Variants in PRKCZ observed in about 807,000 individuals in gnomAD.
PRKCZ encodes the protein protein kinase C zeta type.
A neutral mutation model predicts 79.5 loss-of-function variants in PRKCZ; 33 were observed. The observed-to-expected ratio is 0.41, with a 90% CI of 0.31 to 0.55. The LOEUF (loss-of-function observed/expected upper bound fraction) is 0.55, where lower values mean the gene tolerates loss of function less well. Ranked by LOEUF, PRKCZ falls within the 20% of genes least tolerant of loss-of-function variation. The pLI, the probability that PRKCZ is intolerant of heterozygous loss-of-function variation, is 0.19. For missense variants in PRKCZ, 578 were observed against 813.5 expected (o/e 0.71, Z 3.52); for synonymous variants, 342 against 320.9 (o/e 1.07, Z -0.70).
intron 9 of PRKCZ, 152 bp from the exon 10 acceptor site, chr1:2,155,843 G>T: frequency 4.6e-6 from 3 of 647,982 alleles, no homozygotes; most frequent in Non-Finnish European, 5.6e-6. Flanking sequence ...GACAATGGTG[G>T]TAATGCAGTT....
At chr1:2,076,368 G>C (rs1262022521) in intron 4 of PRKCZ, among the ~76,000 whole-genome samples, 1 of 152,204 alleles carries the variant, frequency 6.6e-6, no homozygotes, top group African/African-American at 2.4e-5. Context: ...GCACCCTGAG[G>C]CATCCCCATC....
chr1:2,070,866 G>A (rs1241125407), intron 4 of PRKCZ, among the ~76,000 whole-genome samples: 1 of 152,066 alleles, frequency 6.6e-6, no homozygotes, highest in Non-Finnish European at 1.5e-5. Context: ...CCTTCTGGCT[G>A]TAGTGTCTCA....
rs374022132 is a variant in PRKCZ, at chr1:2,183,320, G to A, written c.1576-1263G>A. ...CTGAGGCAGGAGAATAGCTTGAATC[G>A]GAGTCAGAGGTTGCAGTGAGCCGAG... On this transcript the variant is annotated intron_variant, in intron 16 of 17. Transcript: ENST00000378567. Among the ~76,000 whole-genome samples the A allele has an allele frequency of 3.9e-4, 59 of 152,254 alleles. 1 individual carries two copies. The highest frequency in any genetic ancestry group is 9.6e-4 in the African/African-American group (40 of 41,554).
chr1:2,176,686 C>T (rs184399795), intron 16 of PRKCZ, among the ~76,000 whole-genome samples: 2 of 152,252 alleles, frequency 1.3e-5, no homozygotes, highest in African/African-American at 4.8e-5. Flanking sequence ...CAGGCAGCCT[C>T]GGCCAGCGTG....
rs142214864 is a variant in PRKCZ at position 2,096,882 on chromosome 1, G to A, written c.334+37291G>A. 8.9e-3 allele frequency among the ~76,000 whole-genome samples: 1,354 copies of A among 152,302 alleles called. 22 individuals are homozygous for A. The highest frequency in any genetic ancestry group is 0.031 in the African/African-American group (1,275 of 41,558). ...AGGCACCCTGGGGAGGACTCAGGAC[G>A]AGGCCCCTTGAGGCTGAACCTGAGA... On this transcript the variant is annotated intron_variant, in intron 4 of 17. Transcript: ENST00000378567.
intron 4 of PRKCZ, among the ~76,000 whole-genome samples, chr1:2,118,742 TGTGTGTGTGTGTGA>T (rs1267767378): frequency 1.2e-4 from 18 of 148,622 alleles, no homozygotes; most frequent in African/African-American, 2.8e-4. Context: ...TGTGTGTGTG[TGTGTGTGTGTGTGA>T]GATGAGGGGA....
chr1:2,137,811 G>A (rs1034449645), intron 5 of PRKCZ, among the ~76,000 whole-genome samples: 8 of 152,052 alleles, frequency 5.3e-5, no homozygotes, highest in Admixed American at 5.2e-4. Flanking sequence ...TTTCCTTCCT[G>A]CAGACACTGG....
In PRKCZ at chr1:2,067,154, T is replaced by G. The variant is rs61601646; in HGVS notation, c.334+7563T>G. ...AATATACTTTGGATAATGTCTGTTT[T>G]TTGAAATCTACCGCGGCTGAGTCTG... On this transcript the variant is annotated intron_variant, in intron 4 of 17. Coordinates refer to ENST00000378567, the MANE Select transcript of PRKCZ (RefSeq NM_002744.6). Among the ~76,000 whole-genome samples, 1,647 of 152,336 alleles carry G rather than the reference T, an allele frequency of 0.011. 138 individuals are homozygous for G. The East Asian group carries it at 0.21, about 19-fold the overall frequency.
At chr1:2,095,909 C>T (rs1363201628) in intron 4 of PRKCZ, among the ~76,000 whole-genome samples, 1 of 125,334 alleles carries the variant, frequency 8.0e-6, no homozygotes, top group Non-Finnish European at 1.7e-5. Flanking sequence ...CCTCCTCTCC[C>T]CTCCTCTCCC....
At chr1:2,121,919 T>G (rs1251879148) in intron 4 of PRKCZ, among the ~76,000 whole-genome samples, 2 of 63,862 alleles carry the variant, frequency 3.1e-5, no homozygotes, top group African/African-American at 4.8e-5. Context: ...GGGTCACGGC[T>G]GTAGTTAGCG....
At position 2,106,779 on chromosome 1, in the gene PRKCZ, C is replaced by T. The variant is rs867102269; in HGVS notation, c.335-28483C>T. On this transcript the variant is annotated intron_variant, in intron 4 of 17. Transcript: ENST00000378567. Reference sequence around the variant, plus strand: ...CCTCTGGTGGGCGAGGACCTCCACACGTGTCACCAGGCCAGGTGACTCTTC... The same window carrying T: ...CCTCTGGTGGGCGAGGACCTCCACATGTGTCACCAGGCCAGGTGACTCTTC... Among the ~76,000 whole-genome samples the T allele has an allele frequency of 9.0e-4, 74 of 81,862 alleles. 1 individual carries two copies. Among genetic ancestry groups the T allele is most frequent in the South Asian group, 3.6e-3 (10 of 2,808 alleles). The allele number at this position is 81,862 out of a possible 152,430, so 53.7% of individuals were successfully genotyped here.
chr1:2,184,803 G>C, intron 17 of PRKCZ, 105 bp downstream of exon 17: 1 of 1,380,192 alleles, frequency 7.2e-7, no homozygotes, highest in Admixed American at 2.0e-5. Flanking sequence ...AGTCCCACCC[G>C]CCTGGTGTCA....
At chr1:2,071,365 A>T (rs1465877778) in intron 4 of PRKCZ, 1 of 459,816 alleles carries the variant, frequency 2.2e-6, no homozygotes, top group Non-Finnish European at 4.3e-6. Context: ...GTCTGAGAGG[A>T]GGCGGCCAAA....
intron 5 of PRKCZ, among the ~76,000 whole-genome samples, chr1:2,137,740 A>C (rs1676508924): frequency 6.6e-6 from 1 of 152,218 alleles, no homozygotes; most frequent in Admixed American, 6.5e-5. Context: ...TGCCGATGGC[A>C]GGTGCAGACC....
At chr1:2,181,226 G>A (rs262691) in intron 16 of PRKCZ, among the ~76,000 whole-genome samples, 58,184 of 151,762 alleles carry the variant, frequency 0.38, 11,205 homozygotes, top group South Asian at 0.42. Context: ...GGCCCCCAGC[G>A]CACAAGGCAC....
chr1:2,113,410 CG>C (rs1185710914), intron 4 of PRKCZ, among the ~76,000 whole-genome samples: 1 of 152,062 alleles, frequency 6.6e-6, no homozygotes, highest in African/African-American at 2.4e-5. Flanking sequence ...GGGGCTCATC[CG>C]GGGCATTCAT....
intron 4 of PRKCZ, among the ~76,000 whole-genome samples, chr1:2,083,306 C>T (rs2678946): frequency 0.11 from 17,152 of 151,850 alleles, 3,144 homozygotes; most frequent in African/African-American, 0.38. Context: ...ATTCCAGCTC[C>T]GGGCTCAGCC....
intron 5 of PRKCZ, 123 bp downstream of exon 5, chr1:2,135,470 A>G (rs1463626133): frequency 1.0e-5 from 9 of 868,808 alleles, no homozygotes; most frequent in Admixed American, 3.0e-5. Context: ...CCCGAGGGCA[A>G]GGTTACAGAA....
chr1:2,086,449 C>A (rs1396363953), intron 4 of PRKCZ, among the ~76,000 whole-genome samples: 1 of 152,226 alleles, frequency 6.6e-6, no homozygotes, highest in Non-Finnish European at 1.5e-5. Context: ...AGGCTCTGGT[C>A]CTCCCAGGTT....
Sources: gnomAD v4.1 joint callset for allele counts (sites outside exome capture counted in the v4.1 genomes callset) on GRCh38, gnomAD v4.1.1 for gene constraint, MANE v1.5 for transcripts, NCBI Gene and HGNC (gene_info 2026-07-23, HGNC 2026-07-21) for gene names.